Variants in ZMYM2 observed in about 807,000 individuals in gnomAD.
ZMYM2 encodes the protein zinc finger MYM-type containing 2.
Under a neutral mutation model 162.8 loss-of-function variants are expected in ZMYM2, and 56 were observed. That is an observed-to-expected ratio of 0.34 (90% CI 0.28 to 0.43). ZMYM2 has a LOEUF of 0.43. Ranked by LOEUF, ZMYM2 falls within the 20% of genes least tolerant of loss-of-function variation. ZMYM2 has a pLI of 1.00. For missense variants in ZMYM2, 1,275 were observed against 1,621.8 expected (o/e 0.79, Z 3.67); for synonymous variants, 510 against 541.6 (o/e 0.94, Z 0.81).
chr13:19,924,154 A>G, the ZMYM2 span, among the ~76,000 whole-genome samples: 2 of 152,136 alleles, frequency 1.3e-5, no homozygotes, highest in Non-Finnish European at 2.9e-5. Flanking sequence ...CTGAAATTCT[A>G]TGTTCATTGA....
intron 19 of ZMYM2, among the ~76,000 whole-genome samples, chr13:20,065,974 T>A (rs185459299): frequency 6.6e-6 from 1 of 152,348 alleles, no homozygotes; most frequent in African/African-American, 2.4e-5. Flanking sequence ...TACAGTAATA[T>A]TTAGATTATT....
At chr13:19,876,942 A>G in the ZMYM2 span, among the ~76,000 whole-genome samples, 2 of 152,176 alleles carry the variant, frequency 1.3e-5, no homozygotes, top group Non-Finnish European at 2.9e-5. Flanking sequence ...AAAGAAGTTT[A>G]TTGGCCAGGC....
chr13:19,880,302 G>A, the ZMYM2 span, among the ~76,000 whole-genome samples: 7 of 152,224 alleles, frequency 4.6e-5, no homozygotes, highest in African/African-American at 1.4e-4. Flanking sequence ...TCATGAACAC[G>A]GAATGTCTTT....
chr13:20,042,167 A>G (rs752219295), intron 12 of ZMYM2, among the ~76,000 whole-genome samples: 3 of 151,604 alleles, frequency 2.0e-5, no homozygotes, highest in Non-Finnish European at 4.4e-5. Flanking sequence ...AGTTGCTTAT[A>G]CTCTCCCCAT....
the ZMYM2 span, among the ~76,000 whole-genome samples, chr13:19,885,136 T>G: frequency 6.6e-6 from 1 of 152,214 alleles, no homozygotes; most frequent in African/African-American, 2.4e-5. Context: ...TGGCTTCACC[T>G]GTCAGTGTGT....
chr13:20,032,045 A>G (rs1953209948), intron 10 of ZMYM2, among the ~76,000 whole-genome samples: 2 of 151,458 alleles, frequency 1.3e-5, no homozygotes, highest in Non-Finnish European at 2.9e-5. Context: ...TAATTTTTGT[A>G]TTTTTAGTAG....
rs374472213 is a variant in ZMYM2 at position 20,024,353 on chromosome 13, G to A, written c.1585-2259G>A. On this transcript the variant is annotated intron_variant, in intron 7 of 24. Transcript: ENST00000610343. ...ATTCTGCCAATAAAATCAGCGTTGG[G>A]ATCACAAATCCAAGGAATAGACTCA... The A allele has an allele frequency of 1.2e-3, 254 of 205,564 alleles. 2 individuals are homozygous for A. In the Middle Eastern group the frequency reaches 0.018, roughly 14 times the overall value. The allele number at this position is 205,564 out of a possible 1,614,324, so 12.7% of individuals were successfully genotyped here.
intron 12 of ZMYM2, among the ~76,000 whole-genome samples, chr13:20,037,885 T>G (rs1476108347): frequency 6.6e-6 from 1 of 152,186 alleles, no homozygotes; most frequent in Admixed American, 6.5e-5. Context: ...ACTGATTATT[T>G]TATCACCCAG....
chr13:19,892,122 T>C, the ZMYM2 span, among the ~76,000 whole-genome samples: 1 of 151,738 alleles, frequency 6.6e-6, no homozygotes, highest in Non-Finnish European at 1.5e-5. Flanking sequence ...TAAATTTTTT[T>C]TGTAGAAATG....
Position 20,080,156 on chromosome 13 carries a change from T to C in ZMYM2, c.3454-1860T>C, listed in dbSNP as rs184425991. Among the ~76,000 whole-genome samples the C allele has an allele frequency of 1.5e-3, 228 of 152,212 alleles. 2 individuals are homozygous for C. Among genetic ancestry groups the C allele is most frequent in the Admixed American group, 7.6e-3 (116 of 15,294 alleles). On this transcript the variant is annotated intron_variant, in intron 21 of 24. Transcript: ENST00000610343. The stretch of plus-strand genomic sequence containing the variant: ...TGCTATTTTTAGAGCATCAACCCTT[T>C]AACTAACCCAAAAGCAGGGGAGAAA...
At chr13:20,053,328 C>T (rs1955524658) in intron 14 of ZMYM2, among the ~76,000 whole-genome samples, 1 of 152,192 alleles carries the variant, frequency 6.6e-6, no homozygotes, top group African/African-American at 2.4e-5. Context: ...TTTTCAAAAC[C>T]TTCCAGTGCC....
chr13:19,923,608 C>T, the ZMYM2 span, among the ~76,000 whole-genome samples: 1 of 149,806 alleles, frequency 6.7e-6, no homozygotes, highest in African/African-American at 2.5e-5. Context: ...ATCCTTACAC[C>T]CCAACTTCCT....
the ZMYM2 span, among the ~76,000 whole-genome samples, chr13:19,878,056 C>CTTTTTT: frequency 2.8e-5 from 4 of 144,816 alleles, no homozygotes; most frequent in Non-Finnish European, 4.5e-5. Context: ...TTTTTGATTA[C>CTTTTTT]TTTTTTTTTT....
In ZMYM2 at chr13:20,083,783, G is replaced by A. The variant is rs779894504; in HGVS notation, c.3941+7G>A. The A allele has an allele frequency of 1.9e-6, 3 of 1,599,342 alleles. No individual in the cohort carries two copies. In the South Asian group the frequency reaches 3.4e-5, roughly 18 times the overall value. On this transcript the variant is annotated splice_region_variant and intron_variant, in intron 24 of 24. Coordinates refer to ENST00000610343, the MANE Select transcript of ZMYM2 (RefSeq NM_197968.4). ...AATGCTACTTGTCTAAAAGGTGAGT[G>A]TTAATGATACTTAACTTTTAAAAAT...
the ZMYM2 span, among the ~76,000 whole-genome samples, chr13:19,873,918 C>T: frequency 6.6e-6 from 1 of 152,180 alleles, no homozygotes; most frequent in Admixed American, 6.5e-5. Flanking sequence ...AAAAACTTGA[C>T]TTGGTTGTTA....
chr13:19,960,576 C>G (rs1044516223), intron 2 of ZMYM2, among the ~76,000 whole-genome samples: 4 of 152,284 alleles, frequency 2.6e-5, no homozygotes, highest in Admixed American at 2.6e-4. Flanking sequence ...CTAGTACTAT[C>G]TTGTTCACCA....
chr13:19,972,451 A>C (rs943503824), intron 2 of ZMYM2, among the ~76,000 whole-genome samples: 4 of 152,162 alleles, frequency 2.6e-5, no homozygotes, highest in African/African-American at 9.7e-5. Context: ...TGTATAGTAT[A>C]AATATCTTTT....
At chr13:19,947,271 A>T in the ZMYM2 span, among the ~76,000 whole-genome samples, 1 of 151,916 alleles carries the variant, frequency 6.6e-6, no homozygotes, top group Non-Finnish European at 1.5e-5. Flanking sequence ...CGTATTAGCC[A>T]GGATGGTCTC....
chr13:19,929,527 C>T, the ZMYM2 span, among the ~76,000 whole-genome samples: 7 of 152,276 alleles, frequency 4.6e-5, no homozygotes, highest in South Asian at 2.1e-4. Context: ...CGTGAGCCAC[C>T]GCGCCCAGCC....
Sources: gnomAD v4.1 joint callset for allele counts (sites outside exome capture counted in the v4.1 genomes callset) on GRCh38, gnomAD v4.1.1 for gene constraint, MANE v1.5 for transcripts, NCBI Gene and HGNC (gene_info 2026-07-23, HGNC 2026-07-21) for gene names.